Variants in PARD3B observed in about 807,000 individuals in gnomAD.
The protein encoded by PARD3B is partitioning defective 3 homolog B.
Under a neutral mutation model 130.2 loss-of-function variants are expected in PARD3B, and 103 were observed. The ratio of observed to expected loss-of-function variants is 0.79; its 90% confidence interval spans 0.67 to 0.93. The LOEUF (loss-of-function observed/expected upper bound fraction) is 0.93, where lower values mean the gene tolerates loss of function less well. Among genes scored for constraint, PARD3B ranks in the 40% least tolerant of loss-of-function variants. The probability of loss-of-function intolerance (pLI) is 0.00; values close to 1 mark genes in which losing one functional copy is unlikely to be tolerated. For missense variants in PARD3B, 1,609 were observed against 1,499.2 expected, an observed-to-expected ratio of 1.07 and a Z score of -1.21; for synonymous variants, 583 against 553.2, an observed-to-expected ratio of 1.05 and a Z score of -0.76.
At position 205,500,020 on chromosome 2, in the gene PARD3B, G is replaced by C; in HGVS notation, c.3169G>C (p.Asp1057His). The change falls in exon 21 of 23, where the codon GAC becomes CAC. Residue 1057 changes from aspartate to histidine, a missense_variant. Physicochemically the swap from Asp to His is moderately conservative, Grantham distance 81. Coordinates refer to ENST00000406610, the MANE Select transcript of PARD3B (RefSeq NM_001302769.2). ...DEGRARPSEY[D>H]LLWVPGRGPD... The stretch of plus-strand genomic sequence containing the variant: ...AGGAAGAGCAAGGCCATCTGAGTAT[G>C]ACCTACTCTGGGTAAGCGCATGCAT... 6.2e-7 allele frequency: 1 copy of C among 1,613,630 alleles called. No homozygotes were observed. Among genetic ancestry groups the C allele is most frequent in the Non-Finnish European group, 8.5e-7 (1 of 1,179,700 alleles).
chr2:205,336,730 T>G (rs1193887688), intron 18 of PARD3B, among the ~76,000 whole-genome samples: 2 of 152,216 alleles, frequency 1.3e-5, no homozygotes, highest in Non-Finnish European at 2.9e-5. Flanking sequence ...AGCAGGTAAT[T>G]ATGTTACAGT....
chr2:204,852,333 A>G (rs1162164366), intron 2 of PARD3B, among the ~76,000 whole-genome samples: 1 of 152,094 alleles, frequency 6.6e-6, no homozygotes, highest in Non-Finnish European at 1.5e-5. Flanking sequence ...TTGTATGTAT[A>G]TATGTATATA....
intron 2 of PARD3B, among the ~76,000 whole-genome samples, chr2:204,857,508 CAT>C (rs2045001144): frequency 6.6e-6 from 1 of 152,034 alleles, no homozygotes; most frequent in Non-Finnish European, 1.5e-5. Flanking sequence ...TTTTATGTGA[CAT>C]AGGACACTTC....
rs113908961 is a variant in PARD3B at position 204,760,214 on chromosome 2, A to G, written c.222+73932A>G. Among the ~76,000 whole-genome samples, 990 of 152,262 alleles carry G rather than the reference A, an allele frequency of 6.5e-3. 2 individuals carry two copies. Among genetic ancestry groups the G allele is most frequent in the Non-Finnish European group, 0.011 (751 of 67,952 alleles). ...ATTTTTCACCTTAGTGGGTTGTAACATACTCAAAGAGGAAGAATACATGAA... is the reference window on the plus strand; with the variant it reads ...ATTTTTCACCTTAGTGGGTTGTAACGTACTCAAAGAGGAAGAATACATGAA... On this transcript the variant is annotated intron_variant, in intron 2 of 22. Coordinates refer to ENST00000406610, the MANE Select transcript of PARD3B (RefSeq NM_001302769.2).
At chr2:204,822,293 A>G (rs1039404909) in intron 2 of PARD3B, among the ~76,000 whole-genome samples, 16 of 152,230 alleles carry the variant, frequency 1.1e-4, no homozygotes, top group Middle Eastern at 3.2e-3. Flanking sequence ...GAATTGCTGC[A>G]ATCTTATGAT....
chr2:204,755,400 A>G (rs1574901988), intron 2 of PARD3B, among the ~76,000 whole-genome samples: 1 of 152,272 alleles, frequency 6.6e-6, no homozygotes, highest in African/African-American at 2.4e-5. Flanking sequence ...TGTCATTTAG[A>G]ATTTCAATCC....
intron 2 of PARD3B, among the ~76,000 whole-genome samples, chr2:204,803,797 G>A (rs1258404546): frequency 1.3e-5 from 2 of 152,090 alleles, no homozygotes; most frequent in East Asian, 1.9e-4. Flanking sequence ...GAAGGAAGGA[G>A]GAGACCACAA....
At chr2:204,861,529 A>G (rs1254147814) in intron 2 of PARD3B, among the ~76,000 whole-genome samples, 1 of 152,156 alleles carries the variant, frequency 6.6e-6, no homozygotes, top group Non-Finnish European at 1.5e-5. Context: ...TTTGGATGTA[A>G]TTGAAAATGC....
chr2:205,311,839 A>G (rs2042397366), intron 18 of PARD3B, among the ~76,000 whole-genome samples: 1 of 152,204 alleles, frequency 6.6e-6, no homozygotes, highest in Admixed American at 6.5e-5. Flanking sequence ...AGGGTCTCAA[A>G]AGGATAAAAC....
In PARD3B at chr2:205,352,308, G is replaced by C. The variant is rs190139782; in HGVS notation, c.2631-48705G>C. Among the ~76,000 whole-genome samples, 500 of 152,256 alleles carry C rather than the reference G, an allele frequency of 3.3e-3. No homozygotes were observed. The highest frequency in any genetic ancestry group is 5.3e-3 in the Non-Finnish European group (358 of 68,018). ...CACTGTACAGTTATGGATTATCTTT[G>C]CTGGCTGGATATTTATTTCAGATTT... On this transcript the variant is annotated intron_variant, in intron 18 of 22. Coordinates refer to ENST00000406610, the MANE Select transcript of PARD3B (RefSeq NM_001302769.2). The surrounding 1 kb of genome is among the most constrained non-coding windows in gnomAD (Gnocchi z 5.2).
chr2:205,613,178 C>T (rs560668817), intron 22 of PARD3B, among the ~76,000 whole-genome samples: 8 of 152,096 alleles, frequency 5.3e-5, no homozygotes, highest in Admixed American at 1.3e-4. Context: ...TAAGAGAGTC[C>T]GGAGGGAGGG....
intron 3 of PARD3B, among the ~76,000 whole-genome samples, chr2:204,999,302 T>C (rs892321139): frequency 6.6e-6 from 1 of 152,212 alleles, no homozygotes; most frequent in Non-Finnish European, 1.5e-5. Context: ...AAGGAATGAC[T>C]CGTTTTGCCT....
intron 21 of PARD3B, among the ~76,000 whole-genome samples, chr2:205,516,845 A>G (rs1254176109): frequency 1.3e-5 from 2 of 152,048 alleles, no homozygotes; most frequent in Non-Finnish European, 2.9e-5. Context: ...CTTGTGACAG[A>G]TTTCAAGAGA....
At chr2:205,390,746 A>C (rs918093671) in intron 18 of PARD3B, among the ~76,000 whole-genome samples, 1 of 152,170 alleles carries the variant, frequency 6.6e-6, no homozygotes, top group Non-Finnish European at 1.5e-5. Flanking sequence ...TCATTTCTTC[A>C]TATTGTCCGT....
intron 18 of PARD3B, among the ~76,000 whole-genome samples, chr2:205,344,199 T>TGTGC (rs57353804): frequency 3.4e-5 from 5 of 146,624 alleles, no homozygotes; most frequent in Admixed American, 3.4e-4. Flanking sequence ...TTGGTTTGTG[T>TGTGC]GTGTGTGTGT....
chr2:205,190,191 A>C (rs2036317978), intron 14 of PARD3B, among the ~76,000 whole-genome samples: 1 of 152,142 alleles, frequency 6.6e-6, no homozygotes, highest in South Asian at 2.1e-4. Flanking sequence ...GCTACCTAAG[A>C]GTCTGGGAAA....
At chr2:204,973,090 C>T (rs2125182578) in intron 3 of PARD3B, among the ~76,000 whole-genome samples, 1 of 152,266 alleles carries the variant, frequency 6.6e-6, no homozygotes, top group Middle Eastern at 3.4e-3. Flanking sequence ...CCAGTAAAAC[C>T]ACCATCGTCC....
chr2:205,468,151 A>T (rs1248578488), intron 20 of PARD3B, among the ~76,000 whole-genome samples: 2 of 152,326 alleles, frequency 1.3e-5, no homozygotes, highest in African/African-American at 4.8e-5. Context: ...TCCTTTAGAC[A>T]TAGGAGAATG....
In PARD3B at chr2:204,940,815, ATT is replaced by A. The variant is rs530767361; in HGVS notation, c.223-24334_223-24333del. On this transcript the variant is annotated intron_variant, in intron 2 of 22. Coordinates refer to ENST00000406610, the MANE Select transcript of PARD3B (RefSeq NM_001302769.2). Reference sequence around the variant, plus strand: ...TGTATTCTAGGAGTACCCCTGCTCTATTTTCAAGCCATGGTACTCAATGTTGC... The same window carrying A: ...TGTATTCTAGGAGTACCCCTGCTCTATTCAAGCCATGGTACTCAATGTTGC... Among the ~76,000 whole-genome samples the A allele has an allele frequency of 3.3e-5, 5 of 152,190 alleles. No homozygotes were observed. The South Asian group carries it at 1.0e-3, about 32-fold the overall frequency.
Sources: allele counts gnomAD v4.1 joint callset (sites outside exome capture counted in the v4.1 genomes callset), GRCh38; gene constraint gnomAD v4.1.1; non-coding constraint Gnocchi (gnomAD v3.1); transcripts MANE v1.5; gene names NCBI Gene and HGNC (gene_info 2026-07-23, HGNC 2026-07-21).